Variants in KLHL1 observed in about 807,000 individuals in gnomAD.
KLHL1 encodes the protein kelch-like protein 1.
In KLHL1, 47 loss-of-function variants were observed where a neutral mutation model predicts 77.7. That is an observed-to-expected ratio of 0.60 (90% CI 0.48 to 0.77). The LOEUF (loss-of-function observed/expected upper bound fraction) is 0.77. KLHL1 is among the 30% of genes least tolerant of loss of function. The probability of loss-of-function intolerance (pLI) is 0.00; values close to 1 mark genes in which losing one functional copy is unlikely to be tolerated. For missense variants in KLHL1, 925 were observed against 910.8 expected (o/e 1.02, Z -0.20); for synonymous variants, 360 against 325.2 (o/e 1.11, Z -1.15).
intron 6 of KLHL1, among the ~76,000 whole-genome samples, chr13:69,829,728 C>T (rs1878686391): frequency 1.3e-5 from 2 of 149,982 alleles, no homozygotes; most frequent in Admixed American, 6.7e-5. Flanking sequence ...TAAAGAAAAA[C>T]CTATCAAATT....
At chr13:69,873,551 A>T (rs996071426) in intron 5 of KLHL1, among the ~76,000 whole-genome samples, 1 of 152,172 alleles carries the variant, frequency 6.6e-6, no homozygotes, top group South Asian at 2.1e-4. Context: ...AACTCTTTAC[A>T]GCAGGGTTCT....
At chr13:70,086,077 ATCT>A (rs1887529264) in intron 1 of KLHL1, among the ~76,000 whole-genome samples, 1 of 152,134 alleles carries the variant, frequency 6.6e-6, no homozygotes, top group African/African-American at 2.4e-5. Flanking sequence ...TACTATTCCC[ATCT>A]TATCTAATGG....
intron 6 of KLHL1, among the ~76,000 whole-genome samples, chr13:69,815,710 T>C (rs71196264): frequency 0.019 from 2,959 of 152,138 alleles, 44 homozygotes; most frequent in Non-Finnish European, 0.033. Context: ...GAATCTAAAA[T>C]TTTTTAAAAA....
chr13:69,946,796 G>A (rs1024453385), intron 3 of KLHL1, among the ~76,000 whole-genome samples: 1 of 152,068 alleles, frequency 6.6e-6, no homozygotes, highest in African/African-American at 2.4e-5. Context: ...TTACAGGCAT[G>A]AGCTACCATG....
At chr13:69,971,554 T>C (rs1402138216) in intron 2 of KLHL1, among the ~76,000 whole-genome samples, 1 of 152,074 alleles carries the variant, frequency 6.6e-6, no homozygotes, top group Non-Finnish European at 1.5e-5. Context: ...ATTTTTTCCA[T>C]AGTAGTATCT....
chr13:69,855,867 A>G (rs34928597), intron 5 of KLHL1, among the ~76,000 whole-genome samples: 23,269 of 138,754 alleles, frequency 0.17, 2,372 homozygotes, highest in African/African-American at 0.3. Flanking sequence ...ATAATATATT[A>G]TATATTATAT....
intron 6 of KLHL1, among the ~76,000 whole-genome samples, chr13:69,834,516 A>G (rs1408100094): frequency 6.6e-6 from 1 of 152,086 alleles, no homozygotes; most frequent in Non-Finnish European, 1.5e-5. Flanking sequence ...CAAAGTTTAC[A>G]TTGATAAATA....
chr13:69,764,327 T>C (rs12430504), intron 7 of KLHL1, among the ~76,000 whole-genome samples: 10,083 of 152,236 alleles, frequency 0.066, 470 homozygotes, highest in Non-Finnish European at 0.1. Context: ...TACATCACTT[T>C]CCTTTTTCTT....
At chr13:69,708,468 T>C (rs1875730532) in intron 9 of KLHL1, among the ~76,000 whole-genome samples, 1 of 151,928 alleles carries the variant, frequency 6.6e-6, no homozygotes, top group Non-Finnish European at 1.5e-5. Flanking sequence ...GTTTATTCAA[T>C]AGAAAAATAG....
intron 1 of KLHL1, among the ~76,000 whole-genome samples, chr13:69,978,486 ATATT>A (rs1476134447): frequency 5.8e-4 from 28 of 48,374 alleles, no homozygotes; most frequent in African/African-American, 2.4e-3. Context: ...TCTGGTCAGA[ATATT>A]TTTTTTTTTT....
chr13:69,905,860 T>C (rs1882030960), intron 4 of KLHL1, among the ~76,000 whole-genome samples: 1 of 152,022 alleles, frequency 6.6e-6, no homozygotes, highest in African/African-American at 2.4e-5. Flanking sequence ...ATAATCACGA[T>C]AAATGGCTTG....
At chr13:69,719,631 A>G in intron 8 of KLHL1, 50 bp from the exon 9 acceptor site, 1 of 1,414,808 alleles carries the variant, frequency 7.1e-7, no homozygotes, top group African/African-American at 1.4e-5. Flanking sequence ...TCTGGATGAC[A>G]AAATATAGAA....
chr13:70,100,398 C>CT (rs1887897381), intron 1 of KLHL1, among the ~76,000 whole-genome samples: 2 of 151,966 alleles, frequency 1.3e-5, no homozygotes, highest in Non-Finnish European at 2.9e-5. Flanking sequence ...AAGCTTGCTA[C>CT]ATTTTTTTGT....
rs940654708 is a variant in KLHL1, at chr13:70,085,600, G to A, written c.497+21603C>T. Among the ~76,000 whole-genome samples the A allele has an allele frequency of 2.0e-4, 30 of 152,162 alleles. No individual in the cohort carries two copies. The East Asian group carries it at 4.4e-3, about 23-fold the overall frequency. On this transcript the variant is annotated intron_variant, in intron 1 of 10. Coordinates refer to ENST00000377844, the MANE Select transcript of KLHL1 (RefSeq NM_020866.3). ...CTGAATGGGCTGGGCGCAGTGGCTC[G>A]TGCTTGTAATCTCAGCACTTTGGGA...
At chr13:69,921,559 A>T (rs192713066) in intron 4 of KLHL1, among the ~76,000 whole-genome samples, 1 of 152,294 alleles carries the variant, frequency 6.6e-6, no homozygotes, top group East Asian at 1.9e-4. Flanking sequence ...TGGCCATACC[A>T]ACGCATTGTG....
At chr13:70,068,791 C>A (rs1887073486) in intron 1 of KLHL1, among the ~76,000 whole-genome samples, 1 of 152,080 alleles carries the variant, frequency 6.6e-6, no homozygotes. Context: ...AAATAACAAA[C>A]ATGCAGTTTG....
intron 6 of KLHL1, among the ~76,000 whole-genome samples, chr13:69,799,684 G>C (rs1877287960): frequency 6.6e-6 from 1 of 152,156 alleles, no homozygotes; most frequent in African/African-American, 2.4e-5. Flanking sequence ...AATCTGAAAT[G>C]GTTATTTCTG....
intron 5 of KLHL1, among the ~76,000 whole-genome samples, chr13:69,848,398 C>T (rs1322939937): frequency 1.3e-5 from 2 of 151,328 alleles, no homozygotes; most frequent in African/African-American, 4.8e-5. Flanking sequence ...AGTATACCAC[C>T]CAGGAGTAGA....
chr13:69,836,559 T>G (rs1346423802), intron 6 of KLHL1, among the ~76,000 whole-genome samples: 1 of 152,050 alleles, frequency 6.6e-6, no homozygotes. Flanking sequence ...AAACGCTAAC[T>G]CTTTGTCTCA....
Sources: gnomAD v4.1 joint callset for allele counts (sites outside exome capture counted in the v4.1 genomes callset) on GRCh38, gnomAD v4.1.1 for gene constraint, MANE v1.5 for transcripts, NCBI Gene and HGNC (gene_info 2026-07-23, HGNC 2026-07-21) for gene names.